The following TMTC2 variants were observed in gnomAD, a reference collection of about 807,000 sequenced individuals.
TMTC2 encodes transmembrane O-mannosyltransferase targeting cadherins 2, also known as protein O-mannosyl-transferase TMTC2.
In TMTC2, 43 loss-of-function variants were observed where a neutral mutation model predicts 82.4. The observed-to-expected ratio is 0.52, with a 90% confidence interval of 0.41 to 0.67. The LOEUF (loss-of-function observed/expected upper bound fraction) is 0.67. Ranked by LOEUF, TMTC2 falls within the 30% of genes least tolerant of loss-of-function variation. The probability of loss-of-function intolerance (pLI) is 0.00; values close to 1 mark genes in which losing one functional copy is unlikely to be tolerated. For synonymous variants in TMTC2, 408 were observed against 381.9 expected (o/e 1.07, Z -0.80); for missense variants, 919 against 1,012.4 (o/e 0.91, Z 1.25).
chr12:83,069,275 A>G (rs1400699438), intron 11 of TMTC2, among the ~76,000 whole-genome samples: 2 of 152,034 alleles, frequency 1.3e-5, no homozygotes, highest in Non-Finnish European at 1.5e-5. Context: ...TCTCCACACC[A>G]TTTTCCATAG....
At chr12:82,789,209 A>G (rs1412043061) in intron 1 of TMTC2, among the ~76,000 whole-genome samples, 4 of 152,076 alleles carry the variant, frequency 2.6e-5, no homozygotes, top group Non-Finnish European at 4.4e-5. Flanking sequence ...TGGGTTTTCT[A>G]ATCTTGTGAA....
intron 2 of TMTC2, among the ~76,000 whole-genome samples, chr12:82,869,667 C>T (rs1252993523): frequency 2.6e-5 from 4 of 151,692 alleles, no homozygotes; most frequent in Non-Finnish European, 5.9e-5. Context: ...GGTGAGACCC[C>T]ATCTTTACAA....
At chr12:83,044,065 T>C (rs1175553591) in intron 9 of TMTC2, among the ~76,000 whole-genome samples, 1 of 152,164 alleles carries the variant, frequency 6.6e-6, no homozygotes, top group Admixed American at 6.5e-5. Flanking sequence ...TCACTGTGAA[T>C]GGTACCTTTG....
Position 82,729,768 on chromosome 12 carries a change from G to T in TMTC2, c.83+42099G>T, listed in dbSNP as rs142369946. On this transcript the variant is annotated intron_variant, in intron 1 of 11. Coordinates refer to ENST00000321196, the MANE Select transcript of TMTC2 (RefSeq NM_152588.3). ...GCAACCCGCAGGGGCCGTTTTCCGT[G>T]CTGTGGTAGCTTTGTTCTTTTGCTC... is the stretch of plus-strand genomic sequence containing the variant. Among the ~76,000 whole-genome samples the T allele has an allele frequency of 5.8e-3, 890 of 152,324 alleles. 10 individuals carry two copies. Among genetic ancestry groups the T allele is most frequent in the African/African-American group, 0.02 (838 of 41,558 alleles).
intron 3 of TMTC2, among the ~76,000 whole-genome samples, chr12:82,899,443 G>C (rs1873848782): frequency 6.6e-6 from 1 of 151,000 alleles, no homozygotes; most frequent in Admixed American, 6.7e-5. Flanking sequence ...TACATCCAGA[G>C]CTTGGCCACT....
At chr12:82,823,971 G>C (rs1189189021) in intron 1 of TMTC2, among the ~76,000 whole-genome samples, 1 of 139,800 alleles carries the variant, frequency 7.2e-6, no homozygotes, top group Non-Finnish European at 1.5e-5. Context: ...TCGACTCTTT[G>C]CAACCTCCGC....
chr12:82,726,360 G>T (rs1285900051), intron 1 of TMTC2, among the ~76,000 whole-genome samples: 1 of 152,186 alleles, frequency 6.6e-6, no homozygotes, highest in African/African-American at 2.4e-5. Flanking sequence ...CCTACCAGAT[G>T]ATAATGAGAT....
intron 11 of TMTC2, among the ~76,000 whole-genome samples, chr12:83,126,302 G>C (rs1885095129): frequency 6.6e-6 from 1 of 152,102 alleles, no homozygotes; most frequent in African/African-American, 2.4e-5. Context: ...TTCTCCTGGG[G>C]ATGGTCAGGA....
intron 1 of TMTC2, among the ~76,000 whole-genome samples, chr12:82,838,997 A>T (rs958514329): frequency 6.6e-6 from 1 of 152,172 alleles, no homozygotes; most frequent in African/African-American, 2.4e-5. Flanking sequence ...ATTAAAAATT[A>T]AAGAAAGGTG....
chr12:82,719,670 TC>T (rs757315332), intron 1 of TMTC2, among the ~76,000 whole-genome samples: 7 of 62,912 alleles, frequency 1.1e-4, no homozygotes, highest in South Asian at 7.7e-4. Flanking sequence ...TGTCTCTCTG[TC>T]TTTTTTTTTT....
rs1875461037 is a variant in TMTC2 at position 82,922,606 on chromosome 12, T to G, written c.1484-7825T>G. 5.9e-5 allele frequency among the ~76,000 whole-genome samples: 9 copies of G among 152,354 alleles called. 1 individual carries two copies. In the South Asian group the frequency reaches 1.7e-3, roughly 28 times the overall value. ...ATTAATCCCCTTTTATCTGTATTCT[T>G]AACTTCGTTTTCTCTTTGCAGCATA... On this transcript the variant is annotated intron_variant, in intron 3 of 11. Transcript: ENST00000321196.
chr12:83,054,437 G>A (rs978401964), intron 10 of TMTC2, among the ~76,000 whole-genome samples: 15 of 151,870 alleles, frequency 9.9e-5, no homozygotes, highest in Non-Finnish European at 1.9e-4. Flanking sequence ...AGAAATTGAT[G>A]CAAAATACTA....
intron 7 of TMTC2, among the ~76,000 whole-genome samples, chr12:82,978,798 C>T (rs560382010): frequency 1.6e-4 from 24 of 151,844 alleles, no homozygotes; most frequent in South Asian, 8.3e-4. Context: ...AAGCCTTCAG[C>T]TATTATTGTA....
At position 82,951,884 on chromosome 12, in the gene TMTC2, A is replaced by G. The variant is rs1877367918; in HGVS notation, c.1599-13140A>G. On this transcript the variant is annotated intron_variant, in intron 4 of 11. Transcript: ENST00000321196. ...ATGTCATTTTTAACCAGTATTTAACATAGTTTAATTAAGGAAAAGAGAAAG... is the reference window on the plus strand; with the variant it reads ...ATGTCATTTTTAACCAGTATTTAACGTAGTTTAATTAAGGAAAAGAGAAAG... 3.3e-5 allele frequency among the ~76,000 whole-genome samples: 5 copies of G among 152,272 alleles called. No individual in the cohort carries two copies. The South Asian group carries it at 1.0e-3, about 32-fold the overall frequency.
chr12:83,090,371 G>A (rs1592739931), intron 11 of TMTC2, among the ~76,000 whole-genome samples: 1 of 152,280 alleles, frequency 6.6e-6, no homozygotes, highest in South Asian at 2.1e-4. Flanking sequence ...GCCCTTTAGA[G>A]AGAAAACTCA....
chr12:82,835,237 A>G (rs146251958), intron 1 of TMTC2, among the ~76,000 whole-genome samples: 2 of 152,362 alleles, frequency 1.3e-5, no homozygotes, highest in East Asian at 3.9e-4. Flanking sequence ...ATAATACATA[A>G]CAATACTGAG....
intron 4 of TMTC2, among the ~76,000 whole-genome samples, chr12:82,943,911 C>G (rs558436430): frequency 2.0e-4 from 31 of 152,264 alleles, no homozygotes; most frequent in African/African-American, 7.5e-4. Flanking sequence ...AATAAAGTGA[C>G]ATCTTTTCTG....
intron 1 of TMTC2, among the ~76,000 whole-genome samples, chr12:82,696,058 AATAATTAACTAT>A (rs766290087): frequency 1.8e-4 from 27 of 152,232 alleles, no homozygotes; most frequent in Non-Finnish European, 3.7e-4. Context: ...TCCTGCCCCA[AATAATTAACTAT>A]ACAACTGTTC....
rs1231028196 is a variant in TMTC2 at position 82,730,686 on chromosome 12, T to A, written c.83+43017T>A. Among the ~76,000 whole-genome samples the A allele has an allele frequency of 2.0e-5, 3 of 152,164 alleles. No individual in the cohort carries two copies. The East Asian group carries it at 5.8e-4, about 29-fold the overall frequency. On this transcript the variant is annotated intron_variant, in intron 1 of 11. Coordinates refer to ENST00000321196, the MANE Select transcript of TMTC2 (RefSeq NM_152588.3). Reference sequence around the variant, plus strand: ...GTGAGGTAGTTAAGTAATCTCTAAATCAGATACAGTGGAATGAGAAAATAG... The same window carrying A: ...GTGAGGTAGTTAAGTAATCTCTAAAACAGATACAGTGGAATGAGAAAATAG...
Sources: allele counts gnomAD v4.1 joint callset (sites outside exome capture counted in the v4.1 genomes callset), GRCh38; gene constraint gnomAD v4.1.1; transcripts MANE v1.5; gene names NCBI Gene and HGNC (gene_info 2026-07-23, HGNC 2026-07-21).